Variants in WDR45B observed in about 807,000 individuals in gnomAD.
WDR45B encodes WD repeat domain 45B.
Under a neutral mutation model 44.6 loss-of-function variants are expected in WDR45B, and 20 were observed. The observed-to-expected ratio is 0.45, with a 90% confidence interval of 0.32 to 0.65. WDR45B has a LOEUF of 0.65. Ranked by LOEUF, WDR45B falls within the 30% of genes least tolerant of loss-of-function variation. The pLI, the probability that WDR45B is intolerant of heterozygous loss-of-function variation, is 0.05. For synonymous variants in WDR45B, 169 were observed against 164.9 expected, an observed-to-expected ratio of 1.02 and a Z score of -0.19; for missense variants, 323 against 430.2, an observed-to-expected ratio of 0.75 and a Z score of 2.20.
At chr17:82,616,323 G>A (rs2045534677) in intron 9 of WDR45B, among the ~76,000 whole-genome samples, 2 of 152,226 alleles carry the variant, frequency 1.3e-5, no homozygotes, top group African/African-American at 4.8e-5. Flanking sequence ...AAACTGGAGG[G>A]ATGGGGGCTG....
At chr17:82,647,515 A>C (rs985629219) in intron 1 of WDR45B, among the ~76,000 whole-genome samples, 1 of 152,170 alleles carries the variant, frequency 6.6e-6, no homozygotes, top group African/African-American at 2.4e-5. Context: ...GCGGGGAAGG[A>C]GGTCACCTTC....
chr17:82,642,262 A>G (rs1261041371), intron 2 of WDR45B, among the ~76,000 whole-genome samples: 1 of 152,144 alleles, frequency 6.6e-6, no homozygotes, highest in East Asian at 1.9e-4. Flanking sequence ...GCCCCGACAG[A>G]TCAGCGGCAG....
intron 2 of WDR45B, among the ~76,000 whole-genome samples, chr17:82,641,772 C>G (rs2045919418): frequency 6.6e-6 from 1 of 151,998 alleles, no homozygotes; most frequent in Non-Finnish European, 1.5e-5. Context: ...GTGGCAGGTG[C>G]CTGCAATCCC....
At chr17:82,617,498 C>A in intron 7 of WDR45B, 101 bp from the exon 8 acceptor site, 3 of 1,185,088 alleles carry the variant, frequency 2.5e-6, no homozygotes, top group African/African-American at 3.0e-5. Flanking sequence ...CCTCAACATT[C>A]CCACTCTGGA....
At chr17:82,638,279 G>A (rs2045866101) in intron 2 of WDR45B, among the ~76,000 whole-genome samples, 1 of 80,726 alleles carries the variant, frequency 1.2e-5, no homozygotes, top group Non-Finnish European at 2.5e-5. Context: ...GGGGGGAGGA[G>A]GAAAGAAAGA....
chr17:82,634,822 C>A (rs1216082782), intron 2 of WDR45B, among the ~76,000 whole-genome samples: 1 of 152,082 alleles, frequency 6.6e-6, no homozygotes, highest in Non-Finnish European at 1.5e-5. Flanking sequence ...CTGCCTCAGA[C>A]TCTGAAAACA....
At position 82,615,146 on chromosome 17, in the gene WDR45B, G is replaced by A. The variant is rs1157117938; in HGVS notation, c.*773C>T. 1 of 152,662 alleles carries A rather than the reference G, an allele frequency of 6.6e-6. No individual in the cohort carries two copies. The highest frequency in any genetic ancestry group is 1.9e-4 in the East Asian group (1 of 5,196). The allele number at this position is 152,662 out of a possible 1,614,324, so 9.5% of individuals were successfully genotyped here. ...TTCCCTACACATAACCGGGAAACAGGTTTAATCCAAAATGTAACCAGGAGA... is the reference window on the plus strand; with the variant it reads ...TTCCCTACACATAACCGGGAAACAGATTTAATCCAAAATGTAACCAGGAGA... On this transcript the variant is annotated 3_prime_UTR_variant, in exon 10 of 10. Transcript: ENST00000392325.
At chr17:82,641,606 CAAGAGGTG>C (rs1241164963) in intron 2 of WDR45B, among the ~76,000 whole-genome samples, 13 of 152,098 alleles carry the variant, frequency 8.5e-5, no homozygotes, top group African/African-American at 3.1e-4. Context: ...CTTAAAAATC[CAAGAGGTG>C]GCCGGGGTGC....
chr17:82,644,006 T>A lies in WDR45B; in HGVS notation c.85A>T (p.Met29Leu). ...TTATAGACTCGGAATCCATTTTCCA[T>A]CCCACACGCAAAGCATCCTAAAGCA... ...NQDHGCFACG[M>L]ENGFRVYNTD... The change falls in exon 2 of 10, where the codon ATG (methionine) becomes TTG (leucine). Residue 29 changes from methionine (M) to leucine (L), a missense_variant. By Grantham distance (15) the Met-to-Leu change is conservative (BLOSUM62 2). Transcript: ENST00000392325. The A allele has an allele frequency of 6.2e-7, 1 of 1,614,078 alleles. No homozygotes were observed. Among genetic ancestry groups the A allele is most frequent in the African/African-American group, 1.3e-5 (1 of 75,018 alleles).
intron 2 of WDR45B, among the ~76,000 whole-genome samples, chr17:82,639,922 G>A (rs995246674): frequency 2.0e-5 from 3 of 151,502 alleles, no homozygotes; most frequent in African/African-American, 7.3e-5. Context: ...GGTCAGGTGG[G>A]CTGCTGGGCT....
chr17:82,648,200 G>C, intron 1 of WDR45B, 74 bp downstream of exon 1: 3 of 1,520,412 alleles, frequency 2.0e-6, no homozygotes, highest in East Asian at 5.1e-5. Flanking sequence ...GCGCCCAGGA[G>C]AGGCCTGAGA....
intron 1 of WDR45B, 200 bp from the exon 2 acceptor site, chr17:82,644,223 C>G: frequency 1.6e-6 from 1 of 630,472 alleles, no homozygotes; most frequent in South Asian, 1.8e-5. Context: ...TTTGTTTGTC[C>G]TTTAGCAAAG....
intron 5 of WDR45B, among the ~76,000 whole-genome samples, chr17:82,622,123 C>T (rs555996573): frequency 5.9e-5 from 9 of 151,936 alleles, no homozygotes; most frequent in South Asian, 2.1e-4. Context: ...TACACGCCAC[C>T]GAAAATGCAA....
intron 2 of WDR45B, among the ~76,000 whole-genome samples, chr17:82,642,399 C>G (rs1381116784): frequency 1.3e-5 from 2 of 152,146 alleles, no homozygotes; most frequent in South Asian, 2.1e-4. Flanking sequence ...CCGAAACCAT[C>G]CCCCTATGAA....
chr17:82,642,164 C>CG (rs2045925063), intron 2 of WDR45B, among the ~76,000 whole-genome samples: 1 of 152,024 alleles, frequency 6.6e-6, no homozygotes, highest in Non-Finnish European at 1.5e-5. Context: ...TCTGCAACCC[C>CG]GGGGCAGTAC....
chr17:82,647,743 G>A (rs2045998095), intron 1 of WDR45B, among the ~76,000 whole-genome samples: 1 of 151,772 alleles, frequency 6.6e-6, no homozygotes, highest in South Asian at 2.1e-4. Context: ...AGAGGCGTCG[G>A]AGACGCCGGC....
chr17:82,622,583 C>T (rs2045633479), intron 5 of WDR45B, among the ~76,000 whole-genome samples: 2 of 152,096 alleles, frequency 1.3e-5, no homozygotes, highest in South Asian at 4.2e-4. Flanking sequence ...CAGCCACCTG[C>T]CACCATGTCC....
intron 6 of WDR45B, among the ~76,000 whole-genome samples, chr17:82,619,898 G>A (rs1185292266): frequency 2.0e-5 from 3 of 152,200 alleles, no homozygotes; most frequent in Admixed American, 6.5e-5. Flanking sequence ...AAGGCTCTGC[G>A]TAATCCCATC....
At chr17:82,638,294 AAAAAG>A (rs1306180518) in intron 2 of WDR45B, among the ~76,000 whole-genome samples, 3 of 107,928 alleles carry the variant, frequency 2.8e-5, no homozygotes, top group African/African-American at 8.2e-5. Flanking sequence ...GAAAGAAAGA[AAAAAG>A]AAAAGAAAGG....
Sources: gnomAD v4.1 joint callset for allele counts (sites outside exome capture counted in the v4.1 genomes callset) on GRCh38, gnomAD v4.1.1 for gene constraint, MANE v1.5 for transcripts, NCBI Gene and HGNC (gene_info 2026-07-23, HGNC 2026-07-21) for gene names.